The following NEMP2 variants were observed in gnomAD, a reference collection of about 807,000 sequenced individuals.
The protein encoded by NEMP2 is UPF0571 transmembrane protein.
NEMP2 carries 53 observed loss-of-function variants against 54.2 expected under a neutral mutation model. The ratio of observed to expected loss-of-function variants is 0.98; its 90% CI spans 0.78 to 1.23. The LOEUF (loss-of-function observed/expected upper bound fraction) is 1.23. Ranked by LOEUF, NEMP2 falls within the 50% of genes most tolerant of loss-of-function variation. NEMP2 has a pLI of 0.00. For synonymous variants in NEMP2, 197 were observed against 190.3 expected (o/e 1.04, Z -0.29); for missense variants, 455 against 511.3 (o/e 0.89, Z 1.06).
At chr2:190,586,266 T>A in the NEMP2 span, among the ~76,000 whole-genome samples, 1 of 152,188 alleles carries the variant, frequency 6.6e-6, no homozygotes, top group Non-Finnish European at 1.5e-5. This position sits in a 1 kb window ranked among gnomAD's most constrained non-coding sequence, Gnocchi z 4.5. Context: ...CAGCACAGTG[T>A]CTGACATGTG....
rs912612542 is a variant in NEMP2 at position 190,506,383 on chromosome 2, C to T, written c.*2806G>A. On this transcript the variant is annotated 3_prime_UTR_variant, in exon 9 of 9. Transcript: ENST00000409150. This position sits in a 1 kb window ranked among gnomAD's most constrained non-coding sequence, Gnocchi z 6.3. ...TTTATAAAATTGTACATCTCTCACT[C>T]TGGGAAACAATCACACATAGCATAA... The T allele has an allele frequency of 1.3e-5, 2 of 152,212 alleles. No individual in the cohort carries two copies. The highest frequency in any genetic ancestry group is 4.8e-5 in the African/African-American group (2 of 41,460). 9.4% of individuals were successfully genotyped at this position (152,212 alleles called of 1,614,324 possible). A position where few individuals can be genotyped will look rare whatever the true frequency, so the allele number is the denominator to read the frequency against.
chr2:190,557,612 TAAAC>T, the NEMP2 span, among the ~76,000 whole-genome samples: 3 of 151,564 alleles, frequency 2.0e-5, no homozygotes, highest in Non-Finnish European at 4.4e-5. Context: ...AAAAAGAACT[TAAAC>T]AAATTTACAA....
chr2:190,470,948 A>G, the NEMP2 span, among the ~76,000 whole-genome samples: 127 of 152,232 alleles, frequency 8.3e-4, 1 homozygote, highest in Non-Finnish European at 1.5e-3. Flanking sequence ...ATTTGATGCA[A>G]TGGTGTAGCT....
the NEMP2 span, among the ~76,000 whole-genome samples, chr2:190,575,978 CTTTTTT>C: frequency 7.0e-6 from 1 of 143,874 alleles, no homozygotes; most frequent in Non-Finnish European, 1.5e-5. Flanking sequence ...TTCTGGTTTA[CTTTTTT>C]TTTTTTTTGA....
chr2:190,437,723 CAA>C, the NEMP2 span, among the ~76,000 whole-genome samples: 15 of 152,148 alleles, frequency 9.9e-5, no homozygotes, highest in African/African-American at 3.6e-4. This position sits in a 1 kb window ranked among gnomAD's most constrained non-coding sequence, Gnocchi z 5.9. Flanking sequence ...AAAATAGAAA[CAA>C]AGGAAAGGAA....
the NEMP2 span, among the ~76,000 whole-genome samples, chr2:190,466,818 G>A: frequency 1.3e-5 from 2 of 152,192 alleles, no homozygotes; most frequent in Non-Finnish European, 2.9e-5. Context: ...AGAAGGGAAG[G>A]CTATATCAAA....
At chr2:190,646,222 CTGTT>C in the NEMP2 span, among the ~76,000 whole-genome samples, 1 of 152,236 alleles carries the variant, frequency 6.6e-6, no homozygotes, top group South Asian at 2.1e-4. Flanking sequence ...AGCCTTGAAA[CTGTT>C]TGATCTCTTC....
At chr2:190,615,602 G>C in the NEMP2 span, among the ~76,000 whole-genome samples, 1 of 152,222 alleles carries the variant, frequency 6.6e-6, no homozygotes, top group Non-Finnish European at 1.5e-5. This position sits in a 1 kb window ranked among gnomAD's most constrained non-coding sequence, Gnocchi z 4.7. Context: ...CTGGCCATCA[G>C]TGACTGAGTC....
At chr2:190,511,292 T>G (rs1408699750) in intron 7 of NEMP2, among the ~76,000 whole-genome samples, 1 of 152,118 alleles carries the variant, frequency 6.6e-6, no homozygotes, top group Non-Finnish European at 1.5e-5. Context: ...TGGGAGGATT[T>G]GTGGGATATC....
chr2:190,562,764 C>G, the NEMP2 span, among the ~76,000 whole-genome samples: 4 of 152,004 alleles, frequency 2.6e-5, no homozygotes, highest in South Asian at 8.3e-4. This position sits in a 1 kb window ranked among gnomAD's most constrained non-coding sequence, Gnocchi z 5.0. Flanking sequence ...CTATAAATGC[C>G]ATCGACTAAC....
chr2:190,485,427 T>C, the NEMP2 span, among the ~76,000 whole-genome samples: 8 of 152,222 alleles, frequency 5.3e-5, no homozygotes, highest in Non-Finnish European at 1.2e-4. The surrounding 1 kb of genome is among the most constrained non-coding windows in gnomAD (Gnocchi z 5.1). Context: ...GTAATTCATC[T>C]TTAAGAAATG....
the NEMP2 span, among the ~76,000 whole-genome samples, chr2:190,449,200 G>A: frequency 1.9e-3 from 290 of 152,268 alleles, 1 homozygote; most frequent in Admixed American, 3.5e-3. Flanking sequence ...TTAGCTGGGC[G>A]CAGTGGCTCA....
rs981334224 is a variant in NEMP2 at position 190,507,499 on chromosome 2, A to G, written c.*1690T>C. 1 of 152,222 alleles carries G rather than the reference A, an allele frequency of 6.6e-6. No individual in the cohort carries two copies. The highest frequency in any genetic ancestry group is 1.5e-5 in the Non-Finnish European group (1 of 68,036). 9.4% of individuals were successfully genotyped at this position (152,222 alleles called of 1,614,324 possible). ...TACATCTGATACATTTATATCACCAATAAATATAATTTAAAAAAACAGATT... is the reference window on the plus strand; with the variant it reads ...TACATCTGATACATTTATATCACCAGTAAATATAATTTAAAAAAACAGATT... On this transcript the variant is annotated 3_prime_UTR_variant, in exon 9 of 9. Coordinates refer to ENST00000409150, the MANE Select transcript of NEMP2 (RefSeq NM_001142645.2). This position sits in a 1 kb window ranked among gnomAD's most constrained non-coding sequence, Gnocchi z 4.4.
chr2:190,516,968 G>A (rs554115004), intron 5 of NEMP2, among the ~76,000 whole-genome samples: 4 of 151,932 alleles, frequency 2.6e-5, no homozygotes, highest in Non-Finnish European at 5.9e-5. Context: ...GTGTGTGCCT[G>A]TAGTCCCAGC....
the NEMP2 span, among the ~76,000 whole-genome samples, chr2:190,647,072 CT>C: frequency 4.6e-5 from 7 of 152,174 alleles, no homozygotes; most frequent in Admixed American, 4.6e-4. Context: ...GACCATCTAA[CT>C]TTCTCTTTAG....
At chr2:190,573,784 G>T in the NEMP2 span, among the ~76,000 whole-genome samples, 2 of 152,092 alleles carry the variant, frequency 1.3e-5, no homozygotes, top group South Asian at 4.1e-4. Flanking sequence ...ATTTTTATGG[G>T]TCCTTTTGCA....
chr2:190,643,033 T>G, the NEMP2 span, among the ~76,000 whole-genome samples: 5 of 149,844 alleles, frequency 3.3e-5, no homozygotes. Context: ...GTTTTTTTTT[T>G]TTTTTTTTTT....
Position 190,514,449 on chromosome 2 carries a change from A to G in NEMP2, c.953+4T>C, listed in dbSNP as rs1199639504. ...ATTTGCTGGGGGAAAAAAATGATAC[A>G]TACCACCTCATATAACTGCATGCTC... On this transcript the variant is annotated splice_donor_region_variant and intron_variant, in intron 7 of 8. Transcript: ENST00000409150. This position sits in a 1 kb window ranked among gnomAD's most constrained non-coding sequence, Gnocchi z 5.7. The G allele has an allele frequency of 4.1e-5, 63 of 1,549,894 alleles. No individual in the cohort carries two copies. Among genetic ancestry groups the G allele is most frequent in the Non-Finnish European group, 5.2e-5 (60 of 1,146,464 alleles).
chr2:190,543,883 T>A, the NEMP2 span, among the ~76,000 whole-genome samples: 1 of 152,216 alleles, frequency 6.6e-6, no homozygotes, highest in African/African-American at 2.4e-5. The surrounding 1 kb of genome is among the most constrained non-coding windows in gnomAD (Gnocchi z 4.7). Flanking sequence ...AACTAATTAA[T>A]TTTCAGTAAC....
Sources: gnomAD v4.1 joint callset for allele counts (sites outside exome capture counted in the v4.1 genomes callset) on GRCh38, gnomAD v4.1.1 for gene constraint, Gnocchi (gnomAD v3.1) non-coding constraint, MANE v1.5 for transcripts, NCBI Gene and HGNC (gene_info 2026-07-23, HGNC 2026-07-21) for gene names.